Variants in SCRG1 observed in about 807,000 individuals in gnomAD.
The protein encoded by SCRG1 is stimulator of chondrogenesis 1.
In SCRG1, 3 loss-of-function variants were observed where a neutral mutation model predicts 7.7. The observed-to-expected ratio is 0.39, with a 90% CI of 0.18 to 1.01. The LOEUF (loss-of-function observed/expected upper bound fraction) is 1.01, where lower values mean the gene tolerates loss of function less well. Among genes scored for constraint, SCRG1 ranks in the 50% least tolerant of loss-of-function variants. The pLI, the probability that SCRG1 is intolerant of heterozygous loss-of-function variation, is 0.36. For missense variants in SCRG1, 110 were observed against 117.2 expected (o/e 0.94, Z 0.28); for synonymous variants, 46 against 41.2 (o/e 1.12, Z -0.44).
At chr4:173,516,016 G>C in the SCRG1 span, among the ~76,000 whole-genome samples, 11 of 152,090 alleles carry the variant, frequency 7.2e-5, no homozygotes, top group South Asian at 1.9e-3. Context: ...AACCCAAGGG[G>C]CCCAACTGGG....
At chr4:173,450,657 A>G in the SCRG1 span, among the ~76,000 whole-genome samples, 2 of 152,336 alleles carry the variant, frequency 1.3e-5, no homozygotes, top group East Asian at 3.9e-4. Flanking sequence ...AACCTCCTGC[A>G]GGAGGAACTG....
At chr4:173,441,609 A>T in the SCRG1 span, among the ~76,000 whole-genome samples, 1 of 152,226 alleles carries the variant, frequency 6.6e-6, no homozygotes, top group Non-Finnish European at 1.5e-5. Flanking sequence ...CAGTCAAGTC[A>T]TTCATTAATT....
At chr4:173,464,013 T>G in the SCRG1 span, among the ~76,000 whole-genome samples, 1 of 152,186 alleles carries the variant, frequency 6.6e-6, no homozygotes, top group Admixed American at 6.5e-5. Context: ...ATTTTCAAAC[T>G]GTTAAAAGAG....
the SCRG1 span, among the ~76,000 whole-genome samples, chr4:173,430,698 T>C: frequency 1.3e-5 from 2 of 151,250 alleles, no homozygotes; most frequent in South Asian, 2.1e-4. Flanking sequence ...TCCCAGCTAC[T>C]TGGGAGGCTG....
chr4:173,474,040 T>G, the SCRG1 span, among the ~76,000 whole-genome samples: 5 of 151,914 alleles, frequency 3.3e-5, no homozygotes, highest in African/African-American at 4.8e-5. Context: ...CTTAGCCAGG[T>G]GTGGTGGTGC....
At chr4:173,442,773 G>C in the SCRG1 span, among the ~76,000 whole-genome samples, 1 of 152,148 alleles carries the variant, frequency 6.6e-6, no homozygotes, top group Non-Finnish European at 1.5e-5. Context: ...GTGGGACAAA[G>C]AGAAATGGGG....
chr4:173,462,068 A>G, the SCRG1 span, among the ~76,000 whole-genome samples: 1 of 152,200 alleles, frequency 6.6e-6, no homozygotes, highest in Non-Finnish European at 1.5e-5. Context: ...TAGCTTTAAA[A>G]TAGCCTTAAA....
At chr4:173,474,343 T>C in the SCRG1 span, among the ~76,000 whole-genome samples, 2 of 152,214 alleles carry the variant, frequency 1.3e-5, no homozygotes, top group African/African-American at 4.8e-5. Context: ...TATTTCAATT[T>C]AAGCATTATG....
At chr4:173,441,263 A>G in the SCRG1 span, among the ~76,000 whole-genome samples, 2 of 152,196 alleles carry the variant, frequency 1.3e-5, no homozygotes, top group African/African-American at 4.8e-5. Flanking sequence ...ACAAAATTTT[A>G]TTGTGTCACT....
the SCRG1 span, among the ~76,000 whole-genome samples, chr4:173,483,344 T>TC: frequency 4.4e-5 from 1 of 22,964 alleles, no homozygotes; most frequent in Middle Eastern, 0.031. Context: ...ATATATTACA[T>TC]ATGATATATT....
chr4:173,419,815 T>G, the SCRG1 span: 1 of 1,447,720 alleles, frequency 6.9e-7, no homozygotes. Context: ...CCACTTGGCC[T>G]TCATAGATCT....
At chr4:173,436,774 T>C in the SCRG1 span, among the ~76,000 whole-genome samples, 1 of 152,206 alleles carries the variant, frequency 6.6e-6, no homozygotes, top group African/African-American at 2.4e-5. Flanking sequence ...GTAAGACACC[T>C]TCATGCCTGG....
chr4:173,408,765 A>G (rs1330607906), upstream of SCRG1, among the ~76,000 whole-genome samples: 2 of 152,100 alleles, frequency 1.3e-5, no homozygotes, highest in African/African-American at 2.4e-5. Flanking sequence ...AGCCTGAGGC[A>G]GGCGGATCAT....
At chr4:173,505,635 T>C in the SCRG1 span, among the ~76,000 whole-genome samples, 1 of 152,190 alleles carries the variant, frequency 6.6e-6, no homozygotes, top group East Asian at 1.9e-4. This position sits in a 1 kb window ranked among gnomAD's most constrained non-coding sequence, Gnocchi z 4.4. Flanking sequence ...TCTTGCTTCC[T>C]AGGTTTGCCT....
chr4:173,458,195 A>G, the SCRG1 span, among the ~76,000 whole-genome samples: 1 of 152,218 alleles, frequency 6.6e-6, no homozygotes, highest in African/African-American at 2.4e-5. Flanking sequence ...GAGGTAAAAC[A>G]GGGTGAGTCT....
At chr4:173,512,298 G>T in the SCRG1 span, among the ~76,000 whole-genome samples, 2 of 152,310 alleles carry the variant, frequency 1.3e-5, no homozygotes, top group East Asian at 3.9e-4. Context: ...CTAGCAGTGG[G>T]TCCCTAAGAG....
At chr4:173,397,031 C>T (rs1259563417) in intron 1 of SCRG1, among the ~76,000 whole-genome samples, 5 of 151,926 alleles carry the variant, frequency 3.3e-5, no homozygotes, top group South Asian at 2.1e-4. Flanking sequence ...CCAGCCTGCG[C>T]GATGGAGCCA....
At chr4:173,404,181 C>T (rs1739839111) in exon 3 of SCRG1, 1 of 152,164 alleles carries the variant, frequency 6.6e-6, no homozygotes, top group Non-Finnish European at 1.5e-5. Context: ...CAAGACAAAA[C>T]TGTGCTCTTA....
chr4:173,484,424 A>G, the SCRG1 span, among the ~76,000 whole-genome samples: 6 of 68,142 alleles, frequency 8.8e-5, no homozygotes, highest in Admixed American at 2.7e-4. Flanking sequence ...AATATATATT[A>G]TATATTATAT....
Sources: allele counts gnomAD v4.1 joint callset (sites outside exome capture counted in the v4.1 genomes callset), GRCh38; gene constraint gnomAD v4.1.1; non-coding constraint Gnocchi (gnomAD v3.1); transcripts MANE v1.5; gene names NCBI Gene and HGNC (gene_info 2026-07-23, HGNC 2026-07-21).